The following SENP1 variants were observed in gnomAD, a reference collection of about 807,000 sequenced individuals.
The protein encoded by SENP1 is SUMO specific peptidase 1.
Under a neutral mutation model 93.0 loss-of-function variants are expected in SENP1, and 21 were observed. The ratio of observed to expected loss-of-function variants is 0.23; its 90% CI spans 0.16 to 0.33. The LOEUF (loss-of-function observed/expected upper bound fraction) is 0.33, where lower values mean the gene tolerates loss of function less well. SENP1 is among the 10% of genes least tolerant of loss of function. SENP1 has a pLI of 1.00. For synonymous variants in SENP1, 256 were observed against 259.6 expected, an observed-to-expected ratio of 0.99 and a Z score of 0.13; for missense variants, 591 against 758.7, an observed-to-expected ratio of 0.78 and a Z score of 2.60.
intron 6 of SENP1, 82 bp from the exon 7 acceptor site, chr12:48,074,875 C>A: frequency 1.1e-6 from 1 of 874,090 alleles, no homozygotes; most frequent in South Asian, 1.6e-5. Context: ...AAACAGAATC[C>A]TAGCTCTGCC....
chr12:48,071,637 A>T, intron 9 of SENP1, 30 bp downstream of exon 9: 3 of 1,476,378 alleles, frequency 2.0e-6, no homozygotes, highest in Non-Finnish European at 2.8e-6. Flanking sequence ...TTAATTAATT[A>T]ATAAAGAACA....
chr12:48,076,936 C>T (rs551608849), intron 6 of SENP1, among the ~76,000 whole-genome samples: 54 of 152,284 alleles, frequency 3.5e-4, no homozygotes, highest in African/African-American at 1.3e-3. Flanking sequence ...TGAGCCACGG[C>T]GCCCAGCCAC....
chr12:48,092,835 C>A (rs1945298806), intron 4 of SENP1, among the ~76,000 whole-genome samples: 1 of 152,010 alleles, frequency 6.6e-6, no homozygotes. Context: ...AGGAATCTGG[C>A]CAAATATTAC....
chr12:48,068,327 T>C (rs1943437776), intron 9 of SENP1, among the ~76,000 whole-genome samples: 1 of 152,194 alleles, frequency 6.6e-6, no homozygotes, highest in African/African-American at 2.4e-5. Flanking sequence ...CATATAGTAA[T>C]AATAACTGCA....
At chr12:48,071,514 G>A (rs1199185331) in intron 9 of SENP1, among the ~76,000 whole-genome samples, 153 bp downstream of exon 9, 2 of 152,160 alleles carry the variant, frequency 1.3e-5, no homozygotes, top group African/African-American at 4.8e-5. Context: ...TACTCGGGAG[G>A]CTGAGGCAGA....
At chr12:48,084,312 C>T (rs1944681721) in intron 5 of SENP1, among the ~76,000 whole-genome samples, 1 of 152,132 alleles carries the variant, frequency 6.6e-6, no homozygotes, top group African/African-American at 2.4e-5. Context: ...ATTAAATTCT[C>T]CTTCTGGCCT....
At position 48,045,260 on chromosome 12, in the gene SENP1, T is replaced by C; in HGVS notation, c.*62A>G. On this transcript the variant is annotated 3_prime_UTR_variant, in exon 18 of 18. Transcript: ENST00000549518. The stretch of plus-strand genomic sequence containing the variant: ...TGGGAGCAGCTGTTTCCAAGGTCTC[T>C]GGCTGTAGACAACAAAGAGCTGGTC... The C allele has an allele frequency of 7.1e-7, 1 of 1,417,878 alleles. No homozygotes were observed. The highest frequency in any genetic ancestry group is 1.0e-6 in the Non-Finnish European group (1 of 1,005,022). The allele number at this position is 1,417,878 out of a possible 1,614,324, so 87.8% of individuals were successfully genotyped here.
At chr12:48,061,018 A>G (rs543244130) in intron 13 of SENP1, among the ~76,000 whole-genome samples, 5 of 152,342 alleles carry the variant, frequency 3.3e-5, no homozygotes, top group African/African-American at 1.2e-4. Flanking sequence ...TATGAAAAAA[A>G]TCTTAAAACC....
intron 1 of SENP1, chr12:48,105,576 A>G (rs1946472967): frequency 2.1e-6 from 1 of 486,466 alleles, no homozygotes; most frequent in Admixed American, 2.1e-5. Context: ...GAAGTAGTCA[A>G]GAAATATCAC....
intron 11 of SENP1, 109 bp from the exon 12 acceptor site, chr12:48,065,329 T>A: frequency 1.1e-6 from 1 of 890,278 alleles, no homozygotes; most frequent in Non-Finnish European, 1.7e-6. Context: ...AGAGCGTGCT[T>A]AAATGCCCAT....
At chr12:48,098,236 A>C in intron 2 of SENP1, 112 bp from the exon 3 acceptor site, 501 of 1,082,978 alleles carry the variant, frequency 4.6e-4, no homozygotes, top group Non-Finnish European at 5.8e-4. Context: ...ATGGTGTCTC[A>C]TGCCTGTAAT....
chr12:48,101,333 T>C (rs1160990617), intron 2 of SENP1, 136 bp downstream of exon 2: 4 of 700,996 alleles, frequency 5.7e-6, no homozygotes, highest in African/African-American at 1.9e-5. Flanking sequence ...TATTACATAA[T>C]TAGGATTAAA....
intron 13 of SENP1, among the ~76,000 whole-genome samples, chr12:48,061,241 C>G (rs551769099): frequency 6.6e-6 from 1 of 152,140 alleles, no homozygotes; most frequent in Admixed American, 6.5e-5. Flanking sequence ...AACAATGTAT[C>G]AGTCACCTAT....
intron 11 of SENP1, 73 bp downstream of exon 11, chr12:48,065,523 G>A (rs1029148572): frequency 1.0e-6 from 1 of 999,080 alleles, no homozygotes; most frequent in Non-Finnish European, 1.5e-6. Context: ...ACCCAAATCT[G>A]GGTAACTTTC....
chr12:48,074,511 T>G lies in SENP1; in HGVS notation c.753A>C (p.Ser251=), dbSNP rs762762007. The part of the protein sequence containing the change: ...CASQIIGSDT[S]SSGSASILTN... ...TTAAAATGCTGGCAGATCCAGATGA[T>G]GAAGTATCAGAGCCAATGATCTGAG... The change falls in exon 8 of 18, where the codon TCA becomes TCC. Residue 251 remains serine (S), a synonymous_variant. Coordinates refer to ENST00000549518, the MANE Select transcript of SENP1 (RefSeq NM_001267594.2). The G allele has an allele frequency of 3.7e-6, 6 of 1,613,938 alleles. No homozygotes were observed. The South Asian group carries it at 5.5e-5, about 15-fold the overall frequency.
chr12:48,081,165 T>C (rs1944464581), intron 6 of SENP1, among the ~76,000 whole-genome samples: 2 of 152,140 alleles, frequency 1.3e-5, no homozygotes, highest in Non-Finnish European at 2.9e-5. Flanking sequence ...CATGCTGCTG[T>C]TGTCTCCTCC....
chr12:48,076,904 C>T (rs996954370), intron 6 of SENP1, among the ~76,000 whole-genome samples: 24 of 152,186 alleles, frequency 1.6e-4, no homozygotes, highest in Non-Finnish European at 8.8e-5. Context: ...CTCGGCCTCC[C>T]AAAGTGCTGG....
chr12:48,059,314 A>ATATTCAAGTTTCTATTGC (rs973412519), intron 13 of SENP1, among the ~76,000 whole-genome samples: 6 of 152,048 alleles, frequency 3.9e-5, no homozygotes, highest in African/African-American at 1.4e-4. Context: ...TGTGTGTCTC[A>ATATTCAAGTTTCTATTGC]TATTCAAGTT....
In SENP1 at chr12:48,098,117, A is replaced by C; in HGVS notation, c.12T>G (p.Ile4Met). ...CAGCATCCATCCTCATCCTATCAGC[A>C]ATATCATCTGGGGAGACAGTCTGGA... MDD[I>M]ADRMRMDAGE... The change falls in exon 3 of 18, where the codon ATT (isoleucine) becomes ATG (methionine). Residue 4 changes from isoleucine (I) to methionine (M), a missense_variant. Around this residue, in one of 4 missense-constraint regions of SENP1, gnomAD observed 214 missense variants for 243.4 expected, o/e 0.88. Transcript: ENST00000549518. The C allele has an allele frequency of 6.2e-7, 1 of 1,613,462 alleles. No individual in the cohort carries two copies. Among genetic ancestry groups the C allele is most frequent in the East Asian group, 2.2e-5 (1 of 44,884 alleles).
Sources: allele counts gnomAD v4.1 joint callset (sites outside exome capture counted in the v4.1 genomes callset), GRCh38; gene constraint gnomAD v4.1.1; regional missense constraint gnomAD v4.1.1; transcripts MANE v1.5; gene names NCBI Gene and HGNC (gene_info 2026-07-23, HGNC 2026-07-21).